NRG1: variants seen among roughly 807,000 people sequenced by gnomAD.
The protein encoded by NRG1 is pro-neuregulin-1, membrane-bound isoform.
A neutral mutation model predicts 63.8 loss-of-function variants in NRG1; 18 were observed. The ratio of observed to expected loss-of-function variants is 0.28; its 90% CI spans 0.19 to 0.42. NRG1 has a LOEUF of 0.42. Ranked by LOEUF, NRG1 falls within the 10% of genes least tolerant of loss-of-function variation. NRG1 has a pLI of 1.00. For synonymous variants in NRG1, 302 were observed against 301.3 expected, an observed-to-expected ratio of 1.00 and a Z score of -0.02; for missense variants, 762 against 814.7, an observed-to-expected ratio of 0.94 and a Z score of 0.79.
chr8:31,931,868 C>A (rs1014799756), intron 1 of NRG1, among the ~76,000 whole-genome samples: 5 of 152,116 alleles, frequency 3.3e-5, no homozygotes, highest in African/African-American at 1.2e-4. Context: ...ACTACTTGCT[C>A]GCTCTCAGTG....
chr8:32,052,271 GTTTTTTTTTTTT>G (rs5890615), intron 1 of NRG1, among the ~76,000 whole-genome samples: 5 of 91,410 alleles, frequency 5.5e-5, no homozygotes, highest in African/African-American at 7.7e-5. Context: ...CTTTCCTCCT[GTTTTTTTTTTTT>G]TTTTTTTTTT....
At chr8:32,120,259 A>G (rs993053516) in intron 1 of NRG1, among the ~76,000 whole-genome samples, 3 of 152,108 alleles carry the variant, frequency 2.0e-5, no homozygotes, top group African/African-American at 7.2e-5. Context: ...TTTCAAATTT[A>G]TACTTCATGC....
chr8:32,299,644 C>T (rs942068702), intron 1 of NRG1, among the ~76,000 whole-genome samples: 2 of 152,186 alleles, frequency 1.3e-5, no homozygotes, highest in Non-Finnish European at 2.9e-5. Context: ...TTAATGGACT[C>T]ACAGTTCCAC....
intron 1 of NRG1, among the ~76,000 whole-genome samples, chr8:32,226,424 T>G (rs1846330764): frequency 6.6e-6 from 1 of 152,150 alleles, no homozygotes; most frequent in South Asian, 2.1e-4. Flanking sequence ...ACTACTATTC[T>G]CAATTTGTAC....
Position 32,171,013 on chromosome 8 carries a change from A to G in NRG1, c.38-424815A>G, listed in dbSNP as rs1444851754. ...CTTTGACCCCATCTAGTCTCTTCCAATATCATTTACTCTTGTCCATTAGCG... is the reference window on the plus strand; with the variant it reads ...CTTTGACCCCATCTAGTCTCTTCCAGTATCATTTACTCTTGTCCATTAGCG... On this transcript the variant is annotated intron_variant, in intron 1 of 10. Coordinates refer to the NRG1 transcript ENST00000519301. Among the ~76,000 whole-genome samples, 3 of 152,134 alleles carry G rather than the reference A, an allele frequency of 2.0e-5. No homozygotes were observed. The South Asian group carries it at 6.2e-4, about 32-fold the overall frequency.
intron 1 of NRG1, among the ~76,000 whole-genome samples, chr8:32,568,446 A>G (rs1032293041): frequency 1.3e-5 from 2 of 152,252 alleles, no homozygotes; most frequent in African/African-American, 4.8e-5. Flanking sequence ...CTCAAGTATT[A>G]TCAAATGATG....
At chr8:32,751,508 ATTGT>A (rs1172740125) in intron 7 of NRG1, among the ~76,000 whole-genome samples, 6 of 152,182 alleles carry the variant, frequency 3.9e-5, no homozygotes, top group African/African-American at 1.2e-4. Context: ...TAAAGAATCC[ATTGT>A]TTGTATTATT....
At chr8:32,256,354 C>T (rs1346589230) in intron 1 of NRG1, 2 of 152,078 alleles carry the variant, frequency 1.3e-5, no homozygotes, top group East Asian at 3.9e-4. Flanking sequence ...ATACTGGTGA[C>T]CTTTGGATGG....
Position 32,250,219 on chromosome 8 carries a change from C to T in NRG1, c.38-345609C>T, listed in dbSNP as rs544330602. 5.9e-5 allele frequency among the ~76,000 whole-genome samples: 9 copies of T among 152,162 alleles called. No individual in the cohort carries two copies. The East Asian group carries it at 1.2e-3, about 20-fold the overall frequency. On this transcript the variant is annotated intron_variant, in intron 1 of 10. Transcript: ENST00000519301. ...TACCTTCCAATCAACTCCATAAAAA[C>T]GGTTGATATAAAGCATCTAGCCAAG...
chr8:32,693,402 A>G (rs1019132862), intron 5 of NRG1, among the ~76,000 whole-genome samples: 3 of 151,916 alleles, frequency 2.0e-5, no homozygotes, highest in African/African-American at 4.8e-5. Flanking sequence ...TATTTTTAGT[A>G]CAGATGAGGT....
intron 1 of NRG1, among the ~76,000 whole-genome samples, chr8:31,986,710 A>G (rs1368129852): frequency 6.6e-6 from 1 of 152,134 alleles, no homozygotes; most frequent in African/African-American, 2.4e-5. Flanking sequence ...TAAAGGAAGA[A>G]CGGCTGAAGT....
intron 1 of NRG1, among the ~76,000 whole-genome samples, chr8:32,432,302 T>C (rs1818244407): frequency 6.6e-6 from 1 of 152,248 alleles, no homozygotes; most frequent in African/African-American, 2.4e-5. Flanking sequence ...TCTAGGCATA[T>C]TTTACATTTA....
chr8:31,796,936 A>T (rs1821288005), intron 1 of NRG1, among the ~76,000 whole-genome samples: 1 of 152,090 alleles, frequency 6.6e-6, no homozygotes, highest in South Asian at 2.1e-4. Context: ...TGTTTGCAAG[A>T]TCAGTGATTA....
intron 5 of NRG1, among the ~76,000 whole-genome samples, chr8:32,633,905 G>C (rs192042777): frequency 6.6e-6 from 1 of 152,052 alleles, no homozygotes; most frequent in African/African-American, 2.4e-5. Context: ...ACTTTGGGAG[G>C]CTGAGGCAGG....
chr8:31,896,087 C>G (rs935833608), intron 1 of NRG1, among the ~76,000 whole-genome samples: 7 of 152,248 alleles, frequency 4.6e-5, no homozygotes, highest in African/African-American at 1.4e-4. Context: ...TTTTCCCAGG[C>G]AACCCAGCCA....
At chr8:32,011,829 G>T (rs1051824965) in intron 1 of NRG1, among the ~76,000 whole-genome samples, 1 of 152,078 alleles carries the variant, frequency 6.6e-6, no homozygotes, top group Admixed American at 6.6e-5. Flanking sequence ...GATATTAAAC[G>T]AGACTTTTTC....
intron 5 of NRG1, among the ~76,000 whole-genome samples, chr8:32,656,755 A>G (rs1171911797): frequency 6.6e-6 from 1 of 152,206 alleles, no homozygotes; most frequent in Non-Finnish European, 1.5e-5. Flanking sequence ...ATAACAATCT[A>G]GAGTATGTTT....
At chr8:32,380,879 A>G (rs535398555) in intron 1 of NRG1, among the ~76,000 whole-genome samples, 141 of 152,326 alleles carry the variant, frequency 9.3e-4, no homozygotes, top group African/African-American at 3.2e-3. Flanking sequence ...GATATCCATC[A>G]CCTTTTAAAA....
At position 32,038,941 on chromosome 8, in the gene NRG1, C is replaced by T. The variant is rs1344585069; in HGVS notation, c.37+399510C>T. 2.0e-5 allele frequency among the ~76,000 whole-genome samples: 3 copies of T among 151,902 alleles called. No individual in the cohort carries two copies. The South Asian group carries it at 6.2e-4, about 31-fold the overall frequency. ...GCAGCATTGCAAAAGTGATCTGTAT[C>T]CTCTCAGAAAAAGGAAAAAAAAATC... On this transcript the variant is annotated intron_variant, in intron 1 of 10. Transcript: ENST00000519301.
Sources: gnomAD v4.1 joint callset for allele counts (sites outside exome capture counted in the v4.1 genomes callset) on GRCh38, gnomAD v4.1.1 for gene constraint, MANE v1.5 for transcripts, NCBI Gene and HGNC (gene_info 2026-07-23, HGNC 2026-07-21) for gene names.